Variants in PAICS observed in about 807,000 individuals in gnomAD.
The protein encoded by PAICS is bifunctional phosphoribosylaminoimidazole carboxylase/phosphoribosylaminoimidazole succinocarboxamide synthetase.
Under a neutral mutation model 53.7 loss-of-function variants are expected in PAICS, and 33 were observed. The observed-to-expected ratio is 0.61, with a 90% confidence interval of 0.47 to 0.82. The LOEUF is 0.82. Ranked by LOEUF, PAICS falls within the 40% of genes least tolerant of loss-of-function variation. The probability of loss-of-function intolerance (pLI) is 0.00; values close to 1 mark genes in which losing one functional copy is unlikely to be tolerated. For synonymous variants in PAICS, 141 were observed against 167.2 expected (o/e 0.84, Z 1.21); for missense variants, 394 against 494.1 (o/e 0.80, Z 1.92).
chr4:56,417,990 C>T, the PAICS span, among the ~76,000 whole-genome samples: 1 of 151,832 alleles, frequency 6.6e-6, no homozygotes, highest in Non-Finnish European at 1.5e-5. Flanking sequence ...CAGGTGTGCA[C>T]CACACACCCA....
At chr4:56,412,992 A>G in the PAICS span, among the ~76,000 whole-genome samples, 2 of 120,360 alleles carry the variant, frequency 1.7e-5, no homozygotes, top group African/African-American at 6.2e-5. Flanking sequence ...TGGTTCCATA[A>G]TATTTAACTG....
chr4:56,415,806 G>A, the PAICS span, among the ~76,000 whole-genome samples: 1 of 152,180 alleles, frequency 6.6e-6, no homozygotes, highest in African/African-American at 2.4e-5. Context: ...GCTGGGCACA[G>A]TGGCTCACAC....
intron 1 of PAICS, among the ~76,000 whole-genome samples, chr4:56,437,710 A>G (rs1043026531): frequency 4.7e-5 from 7 of 149,984 alleles, no homozygotes; most frequent in African/African-American, 1.7e-4. Flanking sequence ...AATCCTAGCT[A>G]CTCGGGAACC....
intron 2 of PAICS, among the ~76,000 whole-genome samples, chr4:56,443,780 A>G (rs901953682): frequency 6.6e-6 from 1 of 152,206 alleles, no homozygotes; most frequent in African/African-American, 2.4e-5. Flanking sequence ...TTTGTCCAGG[A>G]CTTTCTGCTT....
At chr4:56,417,751 A>G in the PAICS span, among the ~76,000 whole-genome samples, 1 of 151,928 alleles carries the variant, frequency 6.6e-6, no homozygotes, top group African/African-American at 2.4e-5. Context: ...TGTGCTACAC[A>G]CTCCAGCCTG....
the PAICS span, among the ~76,000 whole-genome samples, chr4:56,427,402 T>C: frequency 1.3e-5 from 2 of 152,228 alleles, no homozygotes; most frequent in African/African-American, 4.8e-5. Flanking sequence ...TGGCATATGC[T>C]GAAAGTTTCT....
At chr4:56,443,558 C>T (rs1328094243) in intron 2 of PAICS, among the ~76,000 whole-genome samples, 1 of 152,156 alleles carries the variant, frequency 6.6e-6, no homozygotes, top group Non-Finnish European at 1.5e-5. Context: ...TTTTAAAGTG[C>T]TTAACTCTTT....
intron 1 of PAICS, among the ~76,000 whole-genome samples, chr4:56,441,093 A>G (rs764374353): frequency 1.7e-4 from 26 of 152,194 alleles, no homozygotes; most frequent in Non-Finnish European, 2.2e-4. Context: ...GCTAACTTCA[A>G]TGGGATGGCA....
At chr4:56,433,479 G>A (rs2110071992), upstream of PAICS, among the ~76,000 whole-genome samples, 2 of 142,528 alleles carry the variant, frequency 1.4e-5, no homozygotes, top group Non-Finnish European at 1.5e-5. Flanking sequence ...ACTCCAACCA[G>A]TGCTAACATG....
chr4:56,450,544 C>A (rs1718852874), intron 5 of PAICS, 75 bp from the exon 6 acceptor site: 2 of 784,966 alleles, frequency 2.5e-6, no homozygotes, highest in Non-Finnish European at 4.4e-6. Flanking sequence ...ATAATCCCTC[C>A]CCAAAACTCA....
At chr4:56,458,461 G>A (rs891822778) in intron 8 of PAICS, among the ~76,000 whole-genome samples, 5 of 152,242 alleles carry the variant, frequency 3.3e-5, no homozygotes, top group African/African-American at 1.2e-4. Context: ...CTTTATCTAT[G>A]TTATTAACTC....
At chr4:56,422,606 AC>A in the PAICS span, 1 of 151,740 alleles carries the variant, frequency 6.6e-6, no homozygotes, top group African/African-American at 2.4e-5. Flanking sequence ...TGAAGCCTTA[AC>A]CCCCAATGTG....
intron 1 of PAICS, 133 bp downstream of exon 1, chr4:56,436,461 C>T: frequency 3.8e-6 from 3 of 795,182 alleles, no homozygotes; most frequent in Admixed American, 4.0e-5. Flanking sequence ...CGGGCGCACA[C>T]GTGGCCCAGG....
chr4:56,419,496 T>C, the PAICS span: 140 of 182,682 alleles, frequency 7.7e-4, 1 homozygote, highest in Non-Finnish European at 3.4e-4. Flanking sequence ...AGCTAAGCTA[T>C]GATTTGTTAC....
At chr4:56,456,952 C>T (rs1430425490) in intron 8 of PAICS, among the ~76,000 whole-genome samples, 2 of 151,962 alleles carry the variant, frequency 1.3e-5, no homozygotes, top group African/African-American at 2.4e-5. Context: ...GTGGGTGGTC[C>T]GTGTCAAAAT....
In PAICS at chr4:56,461,440, C is replaced by T. The variant is rs2110104581; in HGVS notation, c.*1902C>T. Reference sequence around the variant, plus strand: ...TTACCTAGCATTAAGACTCCATCTACTTCTGTGCAGTATATGAAAATTTTT... The same window carrying T: ...TTACCTAGCATTAAGACTCCATCTATTTCTGTGCAGTATATGAAAATTTTT... On this transcript the variant is annotated 3_prime_UTR_variant, in exon 9 of 9. Transcript: ENST00000512576. The T allele has an allele frequency of 6.6e-6, 1 of 152,310 alleles. No homozygotes were observed. The highest frequency in any genetic ancestry group is 6.5e-5 in the Admixed American group (1 of 15,300). 9.4% of individuals were successfully genotyped at this position (152,310 alleles called of 1,614,324 possible).
the PAICS span, among the ~76,000 whole-genome samples, chr4:56,417,096 G>A: frequency 0.092 from 13,981 of 152,086 alleles, 802 homozygotes; most frequent in East Asian, 0.25. Flanking sequence ...TGATCCACCC[G>A]CCTCGGCCTC....
At chr4:56,431,184 C>T (rs1018515508), upstream of PAICS, among the ~76,000 whole-genome samples, 3 of 152,118 alleles carry the variant, frequency 2.0e-5, no homozygotes, top group African/African-American at 4.8e-5. Flanking sequence ...AAGTTAAACA[C>T]TATAGGAATG....
chr4:56,448,629 A>G (rs377203074), intron 4 of PAICS, 32 bp downstream of exon 4: 17 of 1,550,612 alleles, frequency 1.1e-5, no homozygotes, highest in Non-Finnish European at 1.4e-5. Flanking sequence ...ATAAAACAAC[A>G]GGATTTGAAA....
Sources: allele counts gnomAD v4.1 joint callset (sites outside exome capture counted in the v4.1 genomes callset), GRCh38; gene constraint gnomAD v4.1.1; transcripts MANE v1.5; gene names NCBI Gene and HGNC (gene_info 2026-07-23, HGNC 2026-07-21).